Variants in SPAG1 observed in about 807,000 individuals in gnomAD.
SPAG1 encodes sperm-associated antigen 1.
Under a neutral mutation model 100.5 loss-of-function variants are expected in SPAG1, and 69 were observed. The observed-to-expected ratio is 0.69, with a 90% CI of 0.57 to 0.84. The LOEUF (loss-of-function observed/expected upper bound fraction) is 0.84. Ranked by LOEUF, SPAG1 falls within the 40% of genes least tolerant of loss-of-function variation. The pLI, the probability that SPAG1 is intolerant of heterozygous loss-of-function variation, is 0.00. For missense variants in SPAG1, 955 were observed against 1,133.1 expected, an observed-to-expected ratio of 0.84 and a Z score of 2.26; for synonymous variants, 336 against 411.6, an observed-to-expected ratio of 0.82 and a Z score of 2.22.
chr8:100,166,693 C>T (rs1815574129), intron 3 of SPAG1, among the ~76,000 whole-genome samples: 1 of 152,118 alleles, frequency 6.6e-6, no homozygotes, highest in Non-Finnish European at 1.5e-5. Context: ...AGGATCACTT[C>T]AGGCCAGGAG....
intron 16 of SPAG1, among the ~76,000 whole-genome samples, chr8:100,236,341 C>G (rs1819005058): frequency 6.6e-6 from 1 of 152,202 alleles, no homozygotes; most frequent in Non-Finnish European, 1.5e-5. Context: ...CAGGGTCTCA[C>G]TATGTTGGCC....
At chr8:100,221,599 A>G (rs1391852062) in intron 13 of SPAG1, among the ~76,000 whole-genome samples, 2 of 152,312 alleles carry the variant, frequency 1.3e-5, no homozygotes, top group Admixed American at 1.3e-4. Context: ...AAAAGGGGAA[A>G]AAATGACATG....
intron 3 of SPAG1, among the ~76,000 whole-genome samples, chr8:100,172,634 A>ATGTGTGTGTGTGTGTGTGTG (rs60155004): frequency 6.9e-6 from 1 of 145,462 alleles, no homozygotes; most frequent in Admixed American, 6.8e-5. Context: ...AAAGAAATAT[A>ATGTGTGTGTGTGTGTGTGTG]TGTGTGTGTG....
chr8:100,191,887 G>A (rs747004009), intron 9 of SPAG1, among the ~76,000 whole-genome samples: 3 of 152,140 alleles, frequency 2.0e-5, no homozygotes, highest in Non-Finnish European at 4.4e-5. Context: ...ACCTGACTGA[G>A]CAGACTGACT....
chr8:100,173,773 G>A (rs1448719411), intron 3 of SPAG1, among the ~76,000 whole-genome samples: 1 of 152,122 alleles, frequency 6.6e-6, no homozygotes, highest in Non-Finnish European at 1.5e-5. Flanking sequence ...TTATGCTAAT[G>A]TATTATGGAG....
intron 16 of SPAG1, among the ~76,000 whole-genome samples, chr8:100,238,367 C>T (rs923639704): frequency 3.3e-5 from 5 of 152,152 alleles, no homozygotes; most frequent in Non-Finnish European, 5.9e-5. Flanking sequence ...GCTAGGCCCC[C>T]GGGAATGTCA....
In SPAG1 at chr8:100,204,029, C is replaced by T. The variant is rs189313497; in HGVS notation, c.1097-9061C>T. On this transcript the variant is annotated intron_variant, in intron 10 of 18. Transcript: ENST00000388798. ...CACTGAATTTGTAAACTCTGATGAA[C>T]CTTTCTTTTGCCAGAAGGAACAGAT... is the stretch of plus-strand genomic sequence containing the variant. 2.6e-5 allele frequency among the ~76,000 whole-genome samples: 4 copies of T among 152,308 alleles called. No individual in the cohort carries two copies. The East Asian group carries it at 5.8e-4, about 22-fold the overall frequency.
At position 100,241,287 on chromosome 8, in the gene SPAG1, T is replaced by G. The variant is rs1156288630; in HGVS notation, c.*265T>G. 1 of 221,120 alleles carries G rather than the reference T, an allele frequency of 4.5e-6. No individual in the cohort carries two copies. Among genetic ancestry groups the G allele is most frequent in the East Asian group, 9.5e-5 (1 of 10,550 alleles). 13.7% of individuals were successfully genotyped at this position (221,120 alleles called of 1,614,324 possible). On this transcript the variant is annotated 3_prime_UTR_variant, in exon 19 of 19. Transcript: ENST00000388798. The surrounding 1 kb of genome is among the most constrained non-coding windows in gnomAD (Gnocchi z 5.1). ...ACATTTTAATTTATGATATACATAT[T>G]ATTTTAATTACTTGTTAAAATTTTG...
chr8:100,172,960 T>G (rs1164484312), intron 3 of SPAG1, among the ~76,000 whole-genome samples: 1 of 151,420 alleles, frequency 6.6e-6, no homozygotes, highest in Non-Finnish European at 1.5e-5. Flanking sequence ...GTTTTCAGGA[T>G]GCAGACAGCT....
At chr8:100,183,252 CGT>C (rs1216601811) in intron 4 of SPAG1, 121 bp from the exon 5 acceptor site, 4 of 510,858 alleles carry the variant, frequency 7.8e-6, no homozygotes, top group African/African-American at 6.1e-5. Flanking sequence ...GGATTACAGG[CGT>C]GAGTCCCCGC....
intron 17 of SPAG1, 49 bp from the exon 18 acceptor site, chr8:100,240,344 AGGATGTATGT>A: frequency 1.3e-6 from 2 of 1,485,920 alleles, no homozygotes; most frequent in Non-Finnish European, 1.8e-6. Flanking sequence ...AGACGTACTT[AGGATGTATGT>A]GGTGATTGTG....
In SPAG1 at chr8:100,217,465, T is replaced by TG. The variant is rs60804548; in HGVS notation, c.1536-2807dup. On this transcript the variant is annotated intron_variant, in intron 12 of 18. Coordinates refer to ENST00000388798, the MANE Select transcript of SPAG1 (RefSeq NM_003114.5). ...GCCATTTGGAGTGCAGAGTTGGGGT[T>TG]GGGGGGGTGTTGAAGATCTTGAAGG... 5.8e-3 allele frequency among the ~76,000 whole-genome samples: 889 copies of TG among 151,970 alleles called. 10 individuals carry two copies. The highest frequency in any genetic ancestry group is 0.019 in the African/African-American group (776 of 41,436).
chr8:100,168,084 C>G (rs151217674), intron 3 of SPAG1, among the ~76,000 whole-genome samples: 10 of 152,314 alleles, frequency 6.6e-5, no homozygotes, highest in Middle Eastern at 3.4e-3. Context: ...CAGTGGATGC[C>G]TAAAACCTAG....
Position 100,220,273 on chromosome 8 carries a change from C to T in SPAG1, c.1536-6C>T. ...AAATGGTATGTAATATTTTTGTCTT[C>T]TTTAGGGCTCTGGAACTTCATCCAT... On this transcript the variant is annotated splice_region_variant and splice_polypyrimidine_tract_variant and intron_variant, in intron 12 of 18. Transcript: ENST00000388798. 1 of 1,603,290 alleles carries T rather than the reference C, an allele frequency of 6.2e-7. No individual in the cohort carries two copies.
chr8:100,223,655 T>C (rs1334029871), intron 13 of SPAG1, among the ~76,000 whole-genome samples: 1 of 151,782 alleles, frequency 6.6e-6, no homozygotes, highest in Non-Finnish European at 1.5e-5. Context: ...CCTCTCTTCC[T>C]CTCCAGGAAT....
Position 100,168,699 on chromosome 8 carries a change from G to GTTT in SPAG1, c.300+2728_300+2729insTTT, listed in dbSNP as rs1199690445. On this transcript the variant is annotated intron_variant, in intron 3 of 18. Coordinates refer to ENST00000388798, the MANE Select transcript of SPAG1 (RefSeq NM_003114.5). ...CATGCCCAGCCATCTTTTTTTTTTTGTTGTTGAGACAGAGCTTTGCTCTTG... is the reference window on the plus strand; with the variant it reads ...CATGCCCAGCCATCTTTTTTTTTTTGTTTTTGTTGAGACAGAGCTTTGCTCTTG... Among the ~76,000 whole-genome samples, 25 of 107,206 alleles carry GTTT rather than the reference G, an allele frequency of 2.3e-4. 1 individual carries two copies. Among genetic ancestry groups the GTTT allele is most frequent in the Admixed American group, 5.6e-4 (5 of 8,934 alleles). The allele number at this position is 107,206 out of a possible 152,430, so 70.3% of individuals were successfully genotyped here.
chr8:100,240,539 C>G lies in SPAG1; in HGVS notation c.2417C>G (p.Ala806Gly). The change falls in exon 18 of 19, where the codon GCC becomes GGC. Residue 806 changes from alanine (A) to glycine (G), a missense_variant. By Grantham distance (60) the Ala-to-Gly change is moderately conservative. Coordinates refer to ENST00000388798, the MANE Select transcript of SPAG1 (RefSeq NM_003114.5). The part of the protein sequence containing the change: ...EKLPIAKPNN[A>G]YEFGQIINAL... Reference sequence around the variant, plus strand: ...CTTCCGATAGCCAAGCCTAATAATGCCTATGAATTTGGTCAGATTATAAAT... The same window carrying G: ...CTTCCGATAGCCAAGCCTAATAATGGCTATGAATTTGGTCAGATTATAAAT... The G allele has an allele frequency of 6.2e-7, 1 of 1,614,032 alleles. No individual in the cohort carries two copies. The highest frequency in any genetic ancestry group is 1.1e-5 in the South Asian group (1 of 91,070).
At chr8:100,167,536 CTG>C (rs1815617001) in intron 3 of SPAG1, among the ~76,000 whole-genome samples, 1 of 152,210 alleles carries the variant, frequency 6.6e-6, no homozygotes, top group African/African-American at 2.4e-5. Flanking sequence ...TGGCAGTTGA[CTG>C]TGGGTAACTG....
At position 100,224,884 on chromosome 8, in the gene SPAG1, T is replaced by G. The variant is rs6468706; in HGVS notation, c.1689-289T>G. On this transcript the variant is annotated intron_variant, in intron 13 of 18. Coordinates refer to ENST00000388798, the MANE Select transcript of SPAG1 (RefSeq NM_003114.5). ...TAAATTTTAGTTTTATTAATATATT[T>G]AACTTTCTCAAAAAATACAATTTTA... Among the ~76,000 whole-genome samples the G allele has an allele frequency of 0.03, 4,556 of 152,300 alleles. 219 individuals carry two copies. Among genetic ancestry groups the G allele is most frequent in the African/African-American group, 0.1 (4,254 of 41,560 alleles).
Sources: allele counts gnomAD v4.1 joint callset (sites outside exome capture counted in the v4.1 genomes callset), GRCh38; gene constraint gnomAD v4.1.1; non-coding constraint Gnocchi (gnomAD v3.1); transcripts MANE v1.5; gene names NCBI Gene and HGNC (gene_info 2026-07-23, HGNC 2026-07-21).